Variants in UTP20 observed in about 807,000 individuals in gnomAD.
UTP20 encodes small subunit processome component 20 homolog.
Under a neutral mutation model 329.5 loss-of-function variants are expected in UTP20, and 164 were observed. That is an observed-to-expected ratio of 0.50 (90% CI 0.44 to 0.57). UTP20 has a LOEUF of 0.57. Among genes scored for constraint, UTP20 ranks in the 20% least tolerant of loss-of-function variants. UTP20 has a pLI of 0.00. For missense variants in UTP20, 3,055 were observed against 3,284.2 expected, an observed-to-expected ratio of 0.93 and a Z score of 1.71; for synonymous variants, 1,151 against 1,159.3, an observed-to-expected ratio of 0.99 and a Z score of 0.14.
At chr12:101,340,451 T>A in intron 31 of UTP20, 72 bp from the exon 32 acceptor site, 1 of 928,458 alleles carries the variant, frequency 1.1e-6, no homozygotes, top group Non-Finnish European at 1.7e-6. Context: ...ATTGTTTTTC[T>A]ACAAAAAGTT....
At chr12:101,306,858 T>A in intron 17 of UTP20, 97 bp downstream of exon 17, 1 of 1,197,274 alleles carries the variant, frequency 8.4e-7, no homozygotes, top group Non-Finnish European at 1.1e-6. Context: ...ATTAACACAC[T>A]ATATAAATAT....
In UTP20 at chr12:101,290,806, G is replaced by C; in HGVS notation, c.809G>C (p.Gly270Ala). 1 of 1,613,956 alleles carries C rather than the reference G, an allele frequency of 6.2e-7. No individual in the cohort carries two copies. The highest frequency in any genetic ancestry group is 1.7e-5 in the Admixed American group (1 of 60,002). The change falls in exon 8 of 62, where the codon GGA becomes GCA. Residue 270 changes from glycine (G) to alanine (A), a missense_variant. Gly to Ala is a moderately conservative substitution (Grantham distance 60). Coordinates refer to ENST00000261637, the MANE Select transcript of UTP20 (RefSeq NM_014503.3). ...TETQLPWMLI[G>A]ETLKNMVKST... ...ACTCAACTACCATGGATGTTAATTG[G>C]AGAAACACTCAAAAACATGGTCAAA...
chr12:101,280,986 G>T, intron 1 of UTP20, 130 bp from the exon 2 acceptor site: 2 of 700,942 alleles, frequency 2.9e-6, no homozygotes, highest in Admixed American at 2.8e-5. Flanking sequence ...GTTTACGGCC[G>T]TATGTTTTTC....
chr12:101,311,104 T>G (rs1872775553), intron 19 of UTP20, among the ~76,000 whole-genome samples: 1 of 152,242 alleles, frequency 6.6e-6, no homozygotes, highest in Non-Finnish European at 1.5e-5. Flanking sequence ...CCTGTTGGTT[T>G]GTTTTCTGAG....
At chr12:101,371,199 G>C (rs1165678392) in intron 51 of UTP20, 31 bp downstream of exon 51, 2 of 1,513,530 alleles carry the variant, frequency 1.3e-6, no homozygotes, top group Non-Finnish European at 1.8e-6. Context: ...CCCATAGCAA[G>C]GGCTGGGCCC....
intron 56 of UTP20, 63 bp from the exon 57 acceptor site, chr12:101,379,308 G>A (rs942736416): frequency 2.1e-6 from 3 of 1,417,662 alleles, no homozygotes; most frequent in African/African-American, 2.9e-5. Context: ...GCTTAACTTA[G>A]TCATATTTAC....
chr12:101,352,024 T>A, intron 38 of UTP20, 31 bp from the exon 39 acceptor site: 1 of 1,610,118 alleles, frequency 6.2e-7, no homozygotes, highest in Non-Finnish European at 8.5e-7. Context: ...AAATACTTGT[T>A]CTGCATTGAT....
rs1873049008 is a variant in UTP20 at position 101,318,591 on chromosome 12, G to A, written c.2738+928G>A. The stretch of plus-strand genomic sequence containing the variant: ...CACACCTGTAATCCCAGCACTTTGG[G>A]AGGCCGAGGTGGGTGGATCACTTGA... On this transcript the variant is annotated intron_variant, in intron 22 of 61. Coordinates refer to ENST00000261637, the MANE Select transcript of UTP20 (RefSeq NM_014503.3). Among the ~76,000 whole-genome samples, 2 of 152,170 alleles carry A rather than the reference G, an allele frequency of 1.3e-5. 1 individual carries two copies. Among genetic ancestry groups the A allele is most frequent in the Middle Eastern group, 6.3e-3 (2 of 316 alleles).
Position 101,383,125 on chromosome 12 carries a change from G to C in UTP20, c.7741G>C (p.Asp2581His). The C allele has an allele frequency of 6.2e-7, 1 of 1,613,740 alleles. No homozygotes were observed. Among genetic ancestry groups the C allele is most frequent in the Non-Finnish European group, 8.5e-7 (1 of 1,179,850 alleles). Residue 2581 changes from aspartate to histidine, a missense_variant, in exon 59 of 62, where the codon GAC (aspartate) becomes CAC (histidine). Transcript: ENST00000261637. ...GGATAAGCAAAGTAAGATAAAAGAA[G>C]ACCTGGAAGAACAAGAAGCTTTAGA... ...CEDKQSKIKE[D>H]LEEQEALEDG...
intron 54 of UTP20, 129 bp downstream of exon 54, chr12:101,373,896 T>G: frequency 9.1e-7 from 1 of 1,096,270 alleles, no homozygotes; most frequent in East Asian, 2.7e-5. Context: ...TGTCTGATTA[T>G]GCAAATAGTA....
chr12:101,297,871 G>A (rs1355216118), intron 12 of UTP20, among the ~76,000 whole-genome samples: 3 of 152,122 alleles, frequency 2.0e-5, no homozygotes, highest in East Asian at 3.9e-4. Context: ...CCAGGAGGGT[G>A]ACGTGTTAAA....
intron 32 of UTP20, 56 bp downstream of exon 32, chr12:101,340,666 T>C (rs756537217): frequency 1.3e-5 from 15 of 1,145,958 alleles, no homozygotes; most frequent in Non-Finnish European, 1.9e-5. Context: ...TATCACTAGG[T>C]TTAATTGCGA....
rs371236170 is a variant in UTP20 at position 101,285,713 on chromosome 12, G to A, written c.194-36G>A. On this transcript the variant is annotated intron_variant, in intron 3 of 61. Coordinates refer to ENST00000261637, the MANE Select transcript of UTP20 (RefSeq NM_014503.3). ...GTTCCATACAGCTGAATAGTGGTGTGATAGAAAAGAACATATTTTTTTTTC... is the reference window on the plus strand; with the variant it reads ...GTTCCATACAGCTGAATAGTGGTGTAATAGAAAAGAACATATTTTTTTTTC... The A allele has an allele frequency of 1.9e-6, 3 of 1,612,902 alleles. No individual in the cohort carries two copies. In the African/African-American group the frequency reaches 4.0e-5, roughly 22 times the overall value.
In UTP20 at chr12:101,286,472, T is replaced by C; in HGVS notation, c.478T>C (p.Trp160Arg). 1.2e-6 allele frequency: 2 copies of C among 1,613,504 alleles called. No individual in the cohort carries two copies. The highest frequency in any genetic ancestry group is 2.2e-5 in the South Asian group (2 of 90,944). ...TSLSYLYKYL[W>R]RLMVKDMSSI... ...GTTATCATATCTTTATAAGTACCTG[T>C]GGAGACTGATGGTGAAGGACATGTC... is the stretch of plus-strand genomic sequence containing the variant. The change falls in exon 5 of 62, where the codon TGG becomes CGG. Residue 160 changes from tryptophan (W) to arginine (R), a missense_variant. By Grantham distance (101) the Trp-to-Arg change is moderately radical (BLOSUM62 -3). Coordinates refer to ENST00000261637, the MANE Select transcript of UTP20 (RefSeq NM_014503.3).
intron 14 of UTP20, among the ~76,000 whole-genome samples, chr12:101,300,376 C>T (rs1277933425): frequency 1.3e-5 from 2 of 152,172 alleles, no homozygotes; most frequent in African/African-American, 4.8e-5. Flanking sequence ...TCCTAGTATA[C>T]ACCTTATGCT....
In UTP20 at chr12:101,375,743, G is replaced by C. The variant is rs1870449828; in HGVS notation, c.7383G>C (p.Leu2461Phe). The C allele has an allele frequency of 6.4e-7, 1 of 1,566,514 alleles. No individual in the cohort carries two copies. Among genetic ancestry groups the C allele is most frequent in the Middle Eastern group, 1.9e-4 (1 of 5,324 alleles). Residue 2461 changes from leucine (L) to phenylalanine (F), a missense_variant, in exon 56 of 62, where the codon TTG (leucine) becomes TTC (phenylalanine). Physicochemically the swap from Leu to Phe is conservative, Grantham distance 22. Transcript: ENST00000261637. ...IIQFTKPAETLSKIWSHVHSH... is the reference protein window; with the variant it reads ...IIQFTKPAETFSKIWSHVHSH... ...AGTTTACCAAACCCGCTGAGACTTT[G>C]AGTAAAATCTGGAGTAAGTATTTCC...
intron 26 of UTP20, among the ~76,000 whole-genome samples, chr12:101,327,904 A>G (rs1451631546): frequency 1.3e-5 from 2 of 152,126 alleles, no homozygotes; most frequent in East Asian, 1.9e-4. Context: ...CCTTCAGACA[A>G]TCAACCACAT....
At chr12:101,306,803 GT>G in intron 17 of UTP20, 42 bp downstream of exon 17, 1 of 1,517,234 alleles carries the variant, frequency 6.6e-7, no homozygotes, top group South Asian at 1.2e-5. Flanking sequence ...AAAAAATATA[GT>G]TTTACATATT....
chr12:101,355,176 C>T lies in UTP20; in HGVS notation c.5394+58C>T, dbSNP rs10083059. 3.2e-3 allele frequency: 4,903 copies of T among 1,541,768 alleles called. 145 individuals carry two copies. The African/African-American group carries it at 0.061, about 19-fold the overall frequency. The stretch of plus-strand genomic sequence containing the variant: ...TGTGAATTCTGGTGTTGGTGGAGCC[C>T]TGTCACACTGAGGCTCTTGGTGATT... On this transcript the variant is annotated intron_variant, in intron 41 of 61. Transcript: ENST00000261637.
Sources: gnomAD v4.1 joint callset for allele counts (sites outside exome capture counted in the v4.1 genomes callset) on GRCh38, gnomAD v4.1.1 for gene constraint, MANE v1.5 for transcripts, NCBI Gene and HGNC (gene_info 2026-07-23, HGNC 2026-07-21) for gene names.